SANBR: variants seen among roughly 807,000 people sequenced by gnomAD.
SANBR encodes SANT and BTB domain regulator of class switch recombination.
Under a neutral mutation model 101.8 loss-of-function variants are expected in SANBR, and 77 were observed. The ratio of observed to expected loss-of-function variants is 0.76; its 90% CI spans 0.63 to 0.91. SANBR has a LOEUF of 0.91. Ranked by LOEUF, SANBR falls within the 40% of genes least tolerant of loss-of-function variation. SANBR has a pLI of 0.00. For missense variants in SANBR, 875 were observed against 853.0 expected, an observed-to-expected ratio of 1.03 and a Z score of -0.32; for synonymous variants, 279 against 274.7, an observed-to-expected ratio of 1.02 and a Z score of -0.15.
intron 8 of SANBR, among the ~76,000 whole-genome samples, chr2:61,087,380 GCC>G (rs1175230011): frequency 1.3e-5 from 2 of 150,682 alleles, no homozygotes; most frequent in Non-Finnish European, 3.0e-5. Context: ...AACATAGCCA[GCC>G]CCAATCTCTA....
intron 3 of SANBR, among the ~76,000 whole-genome samples, chr2:61,071,286 C>T (rs554996054): frequency 1.9e-4 from 29 of 151,908 alleles, no homozygotes; most frequent in Non-Finnish European, 2.9e-4. Context: ...CATGGTGGCT[C>T]ACGCCTGTAA....
rs1684370825 is a variant in SANBR at position 61,122,436 on chromosome 2, G to A, written c.*274G>A. 2.6e-6 allele frequency: 3 copies of A among 1,147,158 alleles called. No individual in the cohort carries two copies. The African/African-American group carries it at 4.8e-5, about 18-fold the overall frequency. 71.1% of individuals were successfully genotyped at this position (1,147,158 alleles called of 1,614,324 possible). ...CAAATTTGCATAGTTGAGACTCCCA[G>A]TGTTTTCCTTTATTTATTTGAAAAA... On this transcript the variant is annotated 3_prime_UTR_variant, in exon 22 of 22. Transcript: ENST00000402291.
At chr2:61,131,383 T>C (rs1339527878) in intron 20 of SANBR, among the ~76,000 whole-genome samples, 1 of 152,174 alleles carries the variant, frequency 6.6e-6, no homozygotes, top group East Asian at 1.9e-4. Context: ...AGAAATCAAC[T>C]TATTTCTATA....
intron 6 of SANBR, among the ~76,000 whole-genome samples, chr2:61,080,481 G>C (rs776583483): frequency 2.0e-5 from 3 of 152,176 alleles, no homozygotes; most frequent in Non-Finnish European, 2.9e-5. Context: ...CCAGCACTTT[G>C]GGAGGCCAAG....
intron 6 of SANBR, among the ~76,000 whole-genome samples, chr2:61,077,629 A>C (rs932787137): frequency 2.0e-5 from 3 of 152,200 alleles, no homozygotes; most frequent in Non-Finnish European, 4.4e-5. Flanking sequence ...TTCACTTAAG[A>C]ATGTCCTTGG....
rs927103473 is a variant in SANBR at position 61,129,451 on chromosome 2, A to G, written c.2029-4686A>G. ...AACAGCGAAACTCCATCTCAAAAAA[A>G]AAAACAAGAAAAAAAGTTATTGAGG... is the stretch of plus-strand genomic sequence containing the variant. On this transcript the variant is annotated intron_variant, in intron 20 of 21. Transcript: ENST00000295031. 3.9e-5 allele frequency among the ~76,000 whole-genome samples: 6 copies of G among 152,104 alleles called. No homozygotes were observed. The South Asian group carries it at 1.0e-3, about 26-fold the overall frequency.
chr2:61,107,086 T>G (rs1683608001), intron 14 of SANBR, among the ~76,000 whole-genome samples: 1 of 151,470 alleles, frequency 6.6e-6, no homozygotes, highest in Admixed American at 6.6e-5. Context: ...GAAGATTGCT[T>G]AAGCCCAGGA....
At chr2:61,111,139 A>G (rs1429273211) in intron 16 of SANBR, among the ~76,000 whole-genome samples, 37 of 152,158 alleles carry the variant, frequency 2.4e-4, no homozygotes. Context: ...CACACCTGTA[A>G]TCCCAGCACT....
chr2:61,118,796 G>A lies in SANBR; in HGVS notation c.2028+680G>A, dbSNP rs1033451801. On this transcript the variant is annotated intron_variant, in intron 20 of 21. Transcript: ENST00000402291. ...AGGCTGGTCTTGAGCTTTTGACCTC[G>A]TGATCTGCCCGCCTCAGCCTCCTAA... Among the ~76,000 whole-genome samples the A allele has an allele frequency of 5.9e-5, 9 of 152,038 alleles. No homozygotes were observed. The East Asian group carries it at 1.2e-3, about 20-fold the overall frequency.
chr2:61,073,627 A>G (rs750001932), intron 5 of SANBR, 76 bp downstream of exon 5: 6 of 805,718 alleles, frequency 7.4e-6, no homozygotes, highest in South Asian at 2.1e-5. Context: ...GGTGGTTACC[A>G]TAAGGTAGGA....
intron 13 of SANBR, 51 bp downstream of exon 13, chr2:61,104,049 C>A (rs1031448561): frequency 6.5e-7 from 1 of 1,539,880 alleles, no homozygotes. Flanking sequence ...TCAGCAGTTC[C>A]CATTTCAGAA....
chr2:61,123,354 C>T lies in SANBR; in HGVS notation c.*1192C>T, dbSNP rs1684408516. Reference sequence around the variant, plus strand: ...TTTCCATTGAAATATTGAAGTGTTACACTCAGTTTACACGTACAGAAATCA... The same window carrying T: ...TTTCCATTGAAATATTGAAGTGTTATACTCAGTTTACACGTACAGAAATCA... On this transcript the variant is annotated 3_prime_UTR_variant, in exon 22 of 22. Transcript: ENST00000402291. 1 of 974,920 alleles carries T rather than the reference C, an allele frequency of 1.0e-6. No homozygotes were observed. The highest frequency in any genetic ancestry group is 1.2e-6 in the Non-Finnish European group (1 of 820,334). The allele number at this position is 974,920 out of a possible 1,614,324, so 60.4% of individuals were successfully genotyped here. A position where few individuals can be genotyped will look rare whatever the true frequency, so the allele number is the denominator to read the frequency against.
At chr2:61,120,436 G>T (rs558062024) in intron 20 of SANBR, among the ~76,000 whole-genome samples, 4 of 152,340 alleles carry the variant, frequency 2.6e-5, no homozygotes, top group Admixed American at 2.6e-4. Context: ...GAAGGTTGAG[G>T]TTGCAGTGAG....
intron 16 of SANBR, among the ~76,000 whole-genome samples, chr2:61,114,248 C>A (rs1007798700): frequency 2.0e-5 from 3 of 152,150 alleles, no homozygotes. Flanking sequence ...GAGTTGCAGC[C>A]GCGACCCAGA....
chr2:61,088,605 C>G, intron 10 of SANBR, 137 bp downstream of exon 10: 1 of 501,276 alleles, frequency 2.0e-6, no homozygotes, highest in Non-Finnish European at 3.3e-6. Context: ...CTGCAACCTT[C>G]CGCCTCCCAG....
At chr2:61,070,731 T>A (rs972867661) in intron 3 of SANBR, among the ~76,000 whole-genome samples, 2 of 147,244 alleles carry the variant, frequency 1.4e-5, no homozygotes, top group Admixed American at 1.4e-4. Flanking sequence ...TTATATATAA[T>A]ATTTTATATA....
At chr2:61,088,548 C>T (rs1682577523) in intron 10 of SANBR, 80 bp downstream of exon 10, 1 of 914,114 alleles carries the variant, frequency 1.1e-6, no homozygotes, top group East Asian at 3.1e-5. Flanking sequence ...GAGACGGAGT[C>T]TTACTCTGTC....
At chr2:61,130,807 GT>G (rs1222405756) in intron 20 of SANBR, among the ~76,000 whole-genome samples, 6 of 150,924 alleles carry the variant, frequency 4.0e-5, no homozygotes, top group Non-Finnish European at 8.9e-5. Flanking sequence ...ATTAGGAGTG[GT>G]GGCATATGCT....
chr2:61,105,709 G>C (rs562831944), intron 13 of SANBR, among the ~76,000 whole-genome samples: 34 of 136,500 alleles, frequency 2.5e-4, no homozygotes, highest in African/African-American at 9.1e-4. Flanking sequence ...GTCTCGCTCT[G>C]TCACCAGGCT....
Sources: allele counts gnomAD v4.1 joint callset (sites outside exome capture counted in the v4.1 genomes callset), GRCh38; gene constraint gnomAD v4.1.1; transcripts MANE v1.5; gene names NCBI Gene and HGNC (gene_info 2026-07-23, HGNC 2026-07-21).